The following SAXO2 variants were observed in gnomAD, a reference collection of about 807,000 sequenced individuals.
SAXO2 encodes the protein stabilizer of axonemal microtubules 2, also known as family with sequence similarity 154, member B.
SAXO2 carries 17 observed loss-of-function variants against 18.7 expected under a neutral mutation model. That is an observed-to-expected ratio of 0.91 (90% CI 0.62 to 1.36). The LOEUF (loss-of-function observed/expected upper bound fraction) is 1.36. Among genes scored for constraint, SAXO2 ranks in the 40% most tolerant of loss-of-function variants. The probability of loss-of-function intolerance (pLI) is 0.00; values close to 1 mark genes in which losing one functional copy is unlikely to be tolerated. For synonymous variants in SAXO2, 163 were observed against 181.2 expected, an observed-to-expected ratio of 0.90 and a Z score of 0.81; for missense variants, 486 against 562.6, an observed-to-expected ratio of 0.86 and a Z score of 1.38.
chr15:82,281,865 T>C (rs1321149646), intron 3 of SAXO2, among the ~76,000 whole-genome samples: 1 of 151,938 alleles, frequency 6.6e-6, no homozygotes, highest in African/African-American at 2.4e-5. Context: ...TGCTTTTCCT[T>C]TGTTATGTAA....
Position 82,283,154 on chromosome 15 carries a change from A to G in SAXO2, c.*92A>G, listed in dbSNP as rs2075383267. The G allele has an allele frequency of 5.9e-6, 3 of 510,006 alleles. No homozygotes were observed. Among genetic ancestry groups the G allele is most frequent in the Non-Finnish European group, 6.0e-6 (2 of 334,702 alleles). 31.6% of individuals were successfully genotyped at this position (510,006 alleles called of 1,614,324 possible). On this transcript the variant is annotated 3_prime_UTR_variant, in exon 4 of 4. Coordinates refer to ENST00000682753, the MANE Select transcript of SAXO2 (RefSeq NM_001348699.2). ...TTATAGTTAAAAAATTTATGATATAATAAATCATTTTTTATATTTTTAAAC... is the reference window on the plus strand; with the variant it reads ...TTATAGTTAAAAAATTTATGATATAGTAAATCATTTTTTATATTTTTAAAC...
In SAXO2 at chr15:82,282,833, A is replaced by G. The variant is rs766226961; in HGVS notation, c.1148A>G (p.Tyr383Cys). 1.2e-6 allele frequency: 2 copies of G among 1,613,830 alleles called. No individual in the cohort carries two copies. The highest frequency in any genetic ancestry group is 2.2e-5 in the East Asian group (1 of 44,866). Residue 383 changes from tyrosine (Y) to cysteine (C), a missense_variant, in exon 4 of 4, where the codon TAT (tyrosine) becomes TGT (cysteine). Tyr to Cys is a radical substitution (Grantham distance 194). Transcript: ENST00000682753. ...GGTTTGAGCACTTTCAGATCTCACT[A>G]TGTGCCACATGAATTGATCCCAACA... ...FDGLSTFRSH[Y>C]VPHELIPTES... is the part of the protein sequence containing the mutation.
intron 1 of SAXO2, chr15:82,264,876 G>C: frequency 1.6e-6 from 1 of 622,522 alleles, no homozygotes; most frequent in Non-Finnish European, 2.9e-6. Flanking sequence ...AATAAATGTT[G>C]TGCCTTGACT....
intron 3 of SAXO2, among the ~76,000 whole-genome samples, chr15:82,277,477 A>G (rs1395845560): frequency 3.3e-5 from 5 of 152,240 alleles, no homozygotes; most frequent in Admixed American, 6.5e-5. Flanking sequence ...CCCTATATCT[A>G]TAAAGGAAAT....
chr15:82,278,874 A>G (rs1450317826), intron 3 of SAXO2, among the ~76,000 whole-genome samples: 1 of 152,222 alleles, frequency 6.6e-6, no homozygotes, highest in Non-Finnish European at 1.5e-5. Context: ...ATGAAAATAT[A>G]GTACATCAAA....
At chr15:82,269,248 A>G (rs74028517) in intron 2 of SAXO2, among the ~76,000 whole-genome samples, 299 of 152,348 alleles carry the variant, frequency 2.0e-3, no homozygotes, top group African/African-American at 7.0e-3. Flanking sequence ...TCTATGAAGG[A>G]CAGGCACAGG....
At chr15:82,277,595 T>C (rs1199684156) in intron 3 of SAXO2, among the ~76,000 whole-genome samples, 2 of 152,114 alleles carry the variant, frequency 1.3e-5, no homozygotes, top group Non-Finnish European at 2.9e-5. Flanking sequence ...GTTGCCAACA[T>C]AACAATAAGA....
intron 1 of SAXO2, chr15:82,264,547 G>A: frequency 1.5e-6 from 1 of 651,382 alleles, no homozygotes; most frequent in Non-Finnish European, 2.7e-6. Context: ...TCTTAGTTGT[G>A]GATAACGTAA....
At chr15:82,263,185 C>T (rs2075156113) in intron 1 of SAXO2, 2 of 1,451,648 alleles carry the variant, frequency 1.4e-6, no homozygotes, top group Admixed American at 2.7e-5. Flanking sequence ...GCCACCCGGG[C>T]CAGGTAAGTA....
Position 82,262,855 on chromosome 15 carries a change from G to A in SAXO2, c.-25G>A, listed in dbSNP as rs1221435544. On this transcript the variant is annotated 5_prime_UTR_variant, in exon 1 of 4. It adds an upstream start codon to the 5' untranslated region. Transcript: ENST00000682753. ...CGCTGTGGGAGTGGAGAAGCTGCAA[G>A]TGCTGAGGCGCGGTGGAGGAAAGCA... 1.9e-6 allele frequency: 3 copies of A among 1,573,754 alleles called. No homozygotes were observed. Among genetic ancestry groups the A allele is most frequent in the Admixed American group, 3.7e-5 (2 of 53,942 alleles).
chr15:82,268,729 TGACTGCCAGAGTTGGCAGGA>T (rs2075242818), intron 2 of SAXO2, among the ~76,000 whole-genome samples: 1 of 152,234 alleles, frequency 6.6e-6, no homozygotes, highest in Admixed American at 6.5e-5. Context: ...CTCACTTAGA[TGACTGCCAGAGTTGGCAGGA>T]AGCCTGCCCT....
chr15:82,265,221 A>C (rs2075204254), intron 1 of SAXO2, among the ~76,000 whole-genome samples: 1 of 152,138 alleles, frequency 6.6e-6, no homozygotes, highest in Non-Finnish European at 1.5e-5. Flanking sequence ...GCTCACTGCA[A>C]GCTCCGCCTC....
intron 2 of SAXO2, among the ~76,000 whole-genome samples, chr15:82,267,004 A>G (rs1320930713): frequency 6.6e-6 from 1 of 152,200 alleles, no homozygotes; most frequent in Non-Finnish European, 1.5e-5. Context: ...TATTTTATTT[A>G]AACTGTTAAT....
intron 3 of SAXO2, 131 bp downstream of exon 3, chr15:82,271,933 C>G (rs2075275883): frequency 1.3e-6 from 1 of 745,094 alleles, no homozygotes; most frequent in Non-Finnish European, 2.2e-6. Context: ...GAACATTTCT[C>G]TCTTTGGCAA....
intron 3 of SAXO2, among the ~76,000 whole-genome samples, chr15:82,273,322 A>G (rs966376790): frequency 6.6e-6 from 1 of 152,180 alleles, no homozygotes; most frequent in African/African-American, 2.4e-5. Flanking sequence ...TCCATTGGTT[A>G]TGTAAAATAG....
Position 82,275,180 on chromosome 15 carries a change from C to T in SAXO2, c.433+3378C>T, listed in dbSNP as rs563400373. Among the ~76,000 whole-genome samples the T allele has an allele frequency of 8.9e-5, 13 of 146,168 alleles. No individual in the cohort carries two copies. In the East Asian group the frequency reaches 1.0e-3, roughly 11 times the overall value. On this transcript the variant is annotated intron_variant, in intron 3 of 3. Coordinates refer to ENST00000682753, the MANE Select transcript of SAXO2 (RefSeq NM_001348699.2). ...AAAGTCTAGAGGAAATGGATAAATTCGGAAACACAAATTCCCAAGATTGAA... is the reference window on the plus strand; with the variant it reads ...AAAGTCTAGAGGAAATGGATAAATTTGGAAACACAAATTCCCAAGATTGAA...
chr15:82,268,054 A>T (rs1057343130), intron 2 of SAXO2, among the ~76,000 whole-genome samples: 2 of 152,254 alleles, frequency 1.3e-5, no homozygotes, highest in African/African-American at 4.8e-5. Context: ...AAATAAAAAT[A>T]TCAGCTAAAT....
Position 82,282,402 on chromosome 15 carries a change from G to A in SAXO2, c.717G>A (p.Glu239=), listed in dbSNP as rs995889061. ...ACAAACCAACTGACCAACGCTTTGA[G>A]GATCTCACAACTCACCGGTGTGACT... ...EVYKPTDQRF[E]DLTTHRCDFQ... is the part of the protein sequence containing the mutation. The change falls in exon 4 of 4, where the codon GAG becomes GAA. Residue 239 remains glutamate, a synonymous_variant. Coordinates refer to ENST00000682753, the MANE Select transcript of SAXO2 (RefSeq NM_001348699.2). 4 of 1,613,992 alleles carry A rather than the reference G, an allele frequency of 2.5e-6. No individual in the cohort carries two copies. The highest frequency in any genetic ancestry group is 3.4e-6 in the Non-Finnish European group (4 of 1,180,032).
At chr15:82,279,997 C>T (rs189755719) in intron 3 of SAXO2, among the ~76,000 whole-genome samples, 17 of 152,260 alleles carry the variant, frequency 1.1e-4, no homozygotes, top group Admixed American at 1.1e-3. Context: ...TGCCACATAA[C>T]CAAACTGTAT....
Sources: allele counts gnomAD v4.1 joint callset (sites outside exome capture counted in the v4.1 genomes callset), GRCh38; gene constraint gnomAD v4.1.1; transcripts MANE v1.5; gene names NCBI Gene and HGNC (gene_info 2026-07-23, HGNC 2026-07-21).